The following CHST11 variants were observed in gnomAD, a reference collection of about 807,000 sequenced individuals.
The protein encoded by CHST11 is carbohydrate sulfotransferase 11, also known as C4S-1.
CHST11 carries 9 observed loss-of-function variants against 30.4 expected under a neutral mutation model. That is an observed-to-expected ratio of 0.30 (90% CI 0.18 to 0.52). The LOEUF is 0.52. CHST11 is among the 20% of genes least tolerant of loss of function. The pLI, the probability that CHST11 is intolerant of heterozygous loss-of-function variation, is 0.97. For synonymous variants in CHST11, 152 were observed against 187.8 expected, an observed-to-expected ratio of 0.81 and a Z score of 1.56; for missense variants, 348 against 460.6, an observed-to-expected ratio of 0.76 and a Z score of 2.24.
chr12:104,623,175 G>A lies in CHST11; in HGVS notation c.204+21184G>A, dbSNP rs534013554. 3.1e-4 allele frequency among the ~76,000 whole-genome samples: 47 copies of A among 152,290 alleles called. No homozygotes were observed. The South Asian group carries it at 3.7e-3, about 12-fold the overall frequency. ...GGGGTTCCCTGCTTTAGACTGTGCC[G>A]AGAGCCAGAGGTCTTGAGTTCAAGT... On this transcript the variant is annotated intron_variant, in intron 2 of 2. Coordinates refer to ENST00000303694, the MANE Select transcript of CHST11 (RefSeq NM_018413.6).
At chr12:104,518,648 G>A (rs1282094482) in intron 1 of CHST11, among the ~76,000 whole-genome samples, 1 of 152,162 alleles carries the variant, frequency 6.6e-6, no homozygotes, top group Admixed American at 6.5e-5. Flanking sequence ...GTGTCACTTT[G>A]CAGGAAAAAC....
intron 2 of CHST11, among the ~76,000 whole-genome samples, chr12:104,608,633 A>G (rs2039029366): frequency 6.6e-6 from 1 of 152,116 alleles, no homozygotes; most frequent in East Asian, 1.9e-4. Flanking sequence ...TCTTTTTACC[A>G]CCCACATGAC....
intron 2 of CHST11, among the ~76,000 whole-genome samples, chr12:104,670,798 A>C (rs1431723109): frequency 1.5e-5 from 2 of 134,400 alleles, no homozygotes; most frequent in Non-Finnish European, 3.1e-5. Flanking sequence ...TCTCACACAC[A>C]CCCCACATAA....
At chr12:104,679,688 C>G (rs1400384292) in intron 2 of CHST11, among the ~76,000 whole-genome samples, 1 of 152,194 alleles carries the variant, frequency 6.6e-6, no homozygotes, top group Non-Finnish European at 1.5e-5. Context: ...CTATCACCTG[C>G]CCTGCAGAGA....
At chr12:104,680,177 C>T (rs904998924) in intron 2 of CHST11, among the ~76,000 whole-genome samples, 3 of 152,280 alleles carry the variant, frequency 2.0e-5, no homozygotes, top group South Asian at 2.1e-4. Flanking sequence ...GTTGAGAGGA[C>T]GCAGGTGATA....
At chr12:104,517,787 A>G (rs1177631960) in intron 1 of CHST11, among the ~76,000 whole-genome samples, 1 of 152,244 alleles carries the variant, frequency 6.6e-6, no homozygotes, top group Non-Finnish European at 1.5e-5. Flanking sequence ...ATAGAGGTGA[A>G]TGACAAGGAT....
chr12:104,715,615 G>C (rs1322310333), intron 2 of CHST11, among the ~76,000 whole-genome samples: 1 of 152,158 alleles, frequency 6.6e-6, no homozygotes, highest in African/African-American at 2.4e-5. Flanking sequence ...CCCAGCTAGA[G>C]AGGTACAGGT....
chr12:104,711,641 G>T (rs1293324673), intron 2 of CHST11, among the ~76,000 whole-genome samples: 2 of 152,026 alleles, frequency 1.3e-5, no homozygotes, highest in Non-Finnish European at 2.9e-5. Context: ...GCCTACAAGG[G>T]TGAATTTAAA....
At chr12:104,457,949 AAG>A (rs1030162643) in intron 1 of CHST11, among the ~76,000 whole-genome samples, 1 of 151,562 alleles carries the variant, frequency 6.6e-6, no homozygotes, top group African/African-American at 2.4e-5. Flanking sequence ...CGGAGGATGA[AAG>A]AGTTACCCGG....
intron 2 of CHST11, among the ~76,000 whole-genome samples, chr12:104,670,499 A>ACT (rs2039682115): frequency 1.3e-5 from 2 of 150,162 alleles, no homozygotes; most frequent in Admixed American, 6.6e-5. Context: ...ACACTCATAC[A>ACT]CACTCACACA....
At chr12:104,679,450 G>A (rs1036509948) in intron 2 of CHST11, among the ~76,000 whole-genome samples, 12 of 152,132 alleles carry the variant, frequency 7.9e-5, no homozygotes, top group Admixed American at 2.6e-4. Context: ...CCCCTGAGCC[G>A]CAGTCTCCCT....
In CHST11 at chr12:104,759,069, T is replaced by A. The variant is rs568180826; in HGVS notation, c.*1266T>A. 1 of 152,208 alleles carries A rather than the reference T, an allele frequency of 6.6e-6. No homozygotes were observed. The highest frequency in any genetic ancestry group is 2.1e-4 in the South Asian group (1 of 4,830). 9.4% of individuals were successfully genotyped at this position (152,208 alleles called of 1,614,324 possible). ...CCCATGTAGAAGTGTTGTCTTCTAC[T>A]GCTTGCCACGTACAAGTGTGAAATG... On this transcript the variant is annotated 3_prime_UTR_variant, in exon 3 of 3. Transcript: ENST00000303694.
intron 1 of CHST11, among the ~76,000 whole-genome samples, chr12:104,584,449 G>C (rs1330851742): frequency 2.0e-5 from 3 of 151,788 alleles, no homozygotes; most frequent in Non-Finnish European, 4.4e-5. Context: ...TAGAGATGGG[G>C]TTTTACCACG....
intron 1 of CHST11, among the ~76,000 whole-genome samples, chr12:104,580,626 G>A (rs2038733846): frequency 6.6e-6 from 1 of 152,200 alleles, no homozygotes; most frequent in Admixed American, 6.5e-5. Context: ...GGAAGTTTGG[G>A]AGCCCAATTT....
chr12:104,577,909 C>T (rs1032175919), intron 1 of CHST11, among the ~76,000 whole-genome samples: 2 of 152,188 alleles, frequency 1.3e-5, no homozygotes, highest in Non-Finnish European at 2.9e-5. Context: ...ACACTGCTGA[C>T]TTCATAAGTA....
intron 1 of CHST11, among the ~76,000 whole-genome samples, chr12:104,584,105 A>G (rs1412880489): frequency 6.6e-6 from 1 of 152,170 alleles, no homozygotes; most frequent in African/African-American, 2.4e-5. Context: ...TTTGTTTAGA[A>G]CTTGCCTGAT....
intron 2 of CHST11, among the ~76,000 whole-genome samples, chr12:104,673,752 GA>G (rs1278439615): frequency 6.6e-6 from 1 of 152,094 alleles, no homozygotes; most frequent in Non-Finnish European, 1.5e-5. Flanking sequence ...AAATCACTTG[GA>G]ATTTGTTGCC....
chr12:104,484,472 T>A (rs1454016486), intron 1 of CHST11, among the ~76,000 whole-genome samples: 6 of 152,232 alleles, frequency 3.9e-5, no homozygotes, highest in Admixed American at 2.0e-4. Context: ...GTGCAGATGC[T>A]ATTCACACCT....
chr12:104,571,978 G>A (rs992416893), intron 1 of CHST11, among the ~76,000 whole-genome samples: 1 of 152,208 alleles, frequency 6.6e-6, no homozygotes, highest in African/African-American at 2.4e-5. Context: ...TAATCATGTG[G>A]TTTTTGTCGT....
Sources: gnomAD v4.1 joint callset for allele counts (sites outside exome capture counted in the v4.1 genomes callset) on GRCh38, gnomAD v4.1.1 for gene constraint, MANE v1.5 for transcripts, NCBI Gene and HGNC (gene_info 2026-07-23, HGNC 2026-07-21) for gene names.